KLRG1: variants seen among roughly 807,000 people sequenced by gnomAD.
KLRG1 encodes the protein killer cell lectin like receptor G1.
A neutral mutation model predicts 21.8 loss-of-function variants in KLRG1; 16 were observed. The ratio of observed to expected loss-of-function variants is 0.73; its 90% CI spans 0.50 to 1.11. The LOEUF (loss-of-function observed/expected upper bound fraction) is 1.11. KLRG1 is among the 50% of genes most tolerant of loss of function. The pLI, the probability that KLRG1 is intolerant of heterozygous loss-of-function variation, is 0.00. For synonymous variants in KLRG1, 69 were observed against 75.9 expected, an observed-to-expected ratio of 0.91 and a Z score of 0.47; for missense variants, 173 against 218.3, an observed-to-expected ratio of 0.79 and a Z score of 1.31.
chr12:9,107,348 G>A, the KLRG1 span, among the ~76,000 whole-genome samples: 4 of 152,136 alleles, frequency 2.6e-5, no homozygotes, highest in South Asian at 2.1e-4. Flanking sequence ...GGGCAATTAC[G>A]AGAAATAAAT....
At chr12:9,091,434 A>G in the KLRG1 span, 2 of 1,614,004 alleles carry the variant, frequency 1.2e-6, no homozygotes, top group South Asian at 2.2e-5. Flanking sequence ...GCTGAGCTGG[A>G]GAGGAGTGTA....
At chr12:9,180,900 A>C in the KLRG1 span, 1 of 1,459,086 alleles carries the variant, frequency 6.9e-7, no homozygotes. Context: ...CAACCTACTC[A>C]TCTGACAAAG....
chr12:9,129,487 A>G, the KLRG1 span, among the ~76,000 whole-genome samples: 1 of 152,178 alleles, frequency 6.6e-6, no homozygotes, highest in African/African-American at 2.4e-5. Flanking sequence ...GCTACCCACC[A>G]AATTCATAAA....
chr12:8,997,307 C>G (rs1947162790), intron 3 of KLRG1, among the ~76,000 whole-genome samples: 1 of 152,122 alleles, frequency 6.6e-6, no homozygotes, highest in Non-Finnish European at 1.5e-5. Flanking sequence ...ACTTGATTCT[C>G]TGGTTTAATT....
chr12:9,057,877 T>C, the KLRG1 span: 1 of 152,138 alleles, frequency 6.6e-6, no homozygotes, highest in Non-Finnish European at 1.5e-5. Context: ...TAGGGAGCAG[T>C]TGGAGGGTGA....
the KLRG1 span, among the ~76,000 whole-genome samples, chr12:9,183,865 G>T: frequency 6.6e-6 from 1 of 152,122 alleles, no homozygotes; most frequent in Admixed American, 6.5e-5. Context: ...TCTTAAGTTT[G>T]GGAAGAAAGG....
At chr12:9,089,354 G>T in the KLRG1 span, 2 of 861,084 alleles carry the variant, frequency 2.3e-6, no homozygotes, top group South Asian at 2.9e-5. Flanking sequence ...AGAAGGATTT[G>T]AACTGTATTA....
intron 1 of KLRG1, among the ~76,000 whole-genome samples, chr12:8,975,980 A>G (rs147353394): frequency 1.3e-5 from 2 of 151,538 alleles, no homozygotes; most frequent in African/African-American, 4.8e-5. Flanking sequence ...TTTTTGCTCT[A>G]ATCTTTATTA....
the KLRG1 span, among the ~76,000 whole-genome samples, chr12:9,214,605 T>C: frequency 1.3e-5 from 2 of 151,844 alleles, no homozygotes; most frequent in African/African-American, 4.8e-5. Flanking sequence ...TTTTACTTTC[T>C]TTTTTTTAAA....
chr12:8,951,958 C>T (rs985187465), intron 1 of KLRG1, among the ~76,000 whole-genome samples: 2 of 152,212 alleles, frequency 1.3e-5, no homozygotes, highest in African/African-American at 2.4e-5. Context: ...CAACCTGGGT[C>T]ACTTCCTTGC....
chr12:9,065,775 T>A, the KLRG1 span: 6 of 152,264 alleles, frequency 3.9e-5, no homozygotes, highest in Non-Finnish European at 5.9e-5. Context: ...TGGCTGCCCA[T>A]GGACCAATCA....
chr12:9,018,221 A>G, the KLRG1 span, among the ~76,000 whole-genome samples: 2 of 152,218 alleles, frequency 1.3e-5, no homozygotes, highest in Non-Finnish European at 1.5e-5. Context: ...ATTCCTATCA[A>G]AATACCAATG....
the KLRG1 span, chr12:9,200,995 C>CA: frequency 2.9e-5 from 47 of 1,614,096 alleles, no homozygotes; most frequent in Non-Finnish European, 3.9e-5. Flanking sequence ...GGGGAAAGGA[C>CA]AACTGATTGA....
At chr12:9,088,621 T>G in the KLRG1 span, among the ~76,000 whole-genome samples, 1 of 152,170 alleles carries the variant, frequency 6.6e-6, no homozygotes, top group Non-Finnish European at 1.5e-5. Context: ...AATGTTGGTT[T>G]GGGGTGAGAA....
chr12:9,214,379 G>A, the KLRG1 span, among the ~76,000 whole-genome samples: 2 of 151,910 alleles, frequency 1.3e-5, no homozygotes, highest in Non-Finnish European at 2.9e-5. Flanking sequence ...AAAGACGGTC[G>A]TAATTTTGAT....
the KLRG1 span, chr12:9,095,449 G>T: frequency 1.6e-6 from 2 of 1,268,636 alleles, no homozygotes; most frequent in East Asian, 2.4e-5. Context: ...CCCTCAACTA[G>T]GACATGAAGG....
chr12:9,078,130 G>A, the KLRG1 span, among the ~76,000 whole-genome samples: 3 of 152,088 alleles, frequency 2.0e-5, no homozygotes, highest in Admixed American at 1.3e-4. Context: ...TGTTACATAA[G>A]TATACGTGTG....
upstream of KLRG1, chr12:8,988,292 A>C (rs1368019518): frequency 6.6e-6 from 1 of 152,186 alleles, no homozygotes; most frequent in African/African-American, 2.4e-5. Flanking sequence ...ATAGAAAGCT[A>C]GGGTGATCAT....
chr12:9,162,605 C>G, the KLRG1 span: 1 of 1,589,994 alleles, frequency 6.3e-7, no homozygotes, highest in South Asian at 1.1e-5. Context: ...ACCTGAGGCA[C>G]AGGTCATAGA....
Sources: allele counts gnomAD v4.1 joint callset (sites outside exome capture counted in the v4.1 genomes callset), GRCh38; gene constraint gnomAD v4.1.1; transcripts MANE v1.5; gene names NCBI Gene and HGNC (gene_info 2026-07-23, HGNC 2026-07-21).